Variants in GET1 observed in about 807,000 individuals in gnomAD.
The protein encoded by GET1 is congenital heart disease 5 protein.
GET1 carries 20 observed loss-of-function variants against 22.6 expected under a neutral mutation model. The observed-to-expected ratio is 0.89, with a 90% CI of 0.62 to 1.29. The LOEUF (loss-of-function observed/expected upper bound fraction) is 1.29. Ranked by LOEUF, GET1 falls within the 50% of genes most tolerant of loss-of-function variation. GET1 has a pLI of 0.00. For missense variants in GET1, 209 were observed against 219.9 expected, an observed-to-expected ratio of 0.95 and a Z score of 0.31; for synonymous variants, 92 against 83.8, an observed-to-expected ratio of 1.10 and a Z score of -0.53.
intron 1 of GET1, chr21:39,421,659 A>T (rs1569095853): frequency 6.6e-6 from 1 of 152,224 alleles, no homozygotes; most frequent in African/African-American, 2.4e-5. Flanking sequence ...CTTTGTTTTA[A>T]CATAAAGTAG....
At chr21:39,395,853 C>A (rs1262404644) in intron 4 of GET1, among the ~76,000 whole-genome samples, 2 of 152,222 alleles carry the variant, frequency 1.3e-5, no homozygotes, top group Admixed American at 6.5e-5. Context: ...GCCTGTCTTC[C>A]TGGACAGGGG....
chr21:39,422,759 G>A lies in GET1; in HGVS notation c.*24-5473G>A, dbSNP rs1054923645. On this transcript the variant is annotated intron_variant, in intron 1 of 1. Transcript: ENST00000478273. ...GCCACAGAGTGAACTCTTGTGCACT[G>A]CAACAGATGAACATTTCTAGTTTGA... is the stretch of plus-strand genomic sequence containing the variant. 1.6e-5 allele frequency: 9 copies of A among 579,486 alleles called. No individual in the cohort carries two copies. The Admixed American group carries it at 2.8e-4, about 18-fold the overall frequency. The allele number at this position is 579,486 out of a possible 1,614,324, so 35.9% of individuals were successfully genotyped here.
chr21:39,422,012 A>G (rs1301242998), intron 1 of GET1: 1 of 152,246 alleles, frequency 6.6e-6, no homozygotes, highest in African/African-American at 2.4e-5. Context: ...TATTACCTAA[A>G]AGGCCCAATA....
rs200033889 is a variant in GET1, at chr21:39,396,892, T to C, written c.478T>C (p.Leu160=). The change falls in exon 5 of 5, where the codon TTA becomes CTA. Residue 160 remains leucine (L), a synonymous_variant. Transcript: ENST00000649170. ...AGGVGITCWI[L]VCNKVVAIVL... The stretch of plus-strand genomic sequence containing the variant: ...TGGTGTTGGAATTACCTGTTGGATT[T>C]TAGTCTGTAACAAAGTTGTCGCTAT... 18 of 1,614,024 alleles carry C rather than the reference T, an allele frequency of 1.1e-5. No individual in the cohort carries two copies. The highest frequency in any genetic ancestry group is 1.6e-4 in the Middle Eastern group (1 of 6,062).
chr21:39,381,225 G>A (rs1355519303), intron 1 of GET1, among the ~76,000 whole-genome samples: 1 of 152,118 alleles, frequency 6.6e-6, no homozygotes, highest in Non-Finnish European at 1.5e-5. Flanking sequence ...AGGGCGTGGT[G>A]GGGTGTGGCC....
chr21:39,396,961 C>A lies in GET1; in HGVS notation c.*22C>A, dbSNP rs778312240. On this transcript the variant is annotated 3_prime_UTR_variant, in exon 5 of 5. Coordinates refer to ENST00000649170, the MANE Select transcript of GET1 (RefSeq NM_004627.6). The stretch of plus-strand genomic sequence containing the variant: ...CTGAACAGGAGGATGGATACAGCCG[C>A]GAGGCTAAAAAACGGATTTCCTCTT... 1 of 1,611,350 alleles carries A rather than the reference C, an allele frequency of 6.2e-7. No individual in the cohort carries two copies. The highest frequency in any genetic ancestry group is 1.3e-5 in the African/African-American group (1 of 74,806).
Position 39,390,681 on chromosome 21 carries a change from G to A in GET1, c.103-17G>A, listed in dbSNP as rs181547343. On this transcript the variant is annotated splice_polypyrimidine_tract_variant and intron_variant, in intron 1 of 4. Transcript: ENST00000649170. ...CCCGTGTTGGAAGGTGCTGATCCCC[G>A]TTGTCCGCCCTGCCAGATGTCCAGG... is the stretch of plus-strand genomic sequence containing the variant. 3.7e-5 allele frequency: 60 copies of A among 1,613,654 alleles called. No individual in the cohort carries two copies. The highest frequency in any genetic ancestry group is 2.7e-4 in the Admixed American group (16 of 60,010).
In GET1 at chr21:39,403,876, C is replaced by T. The variant is rs572152543; in HGVS notation, c.350-2038C>T. 1.2e-4 allele frequency among the ~76,000 whole-genome samples: 18 copies of T among 152,332 alleles called. No homozygotes were observed. In the South Asian group the frequency reaches 3.7e-3, roughly 32 times the overall value. On this transcript the variant is annotated intron_variant, in intron 4 of 4. Transcript: ENST00000415847. ...ACCTCAGGTGATCGCCCGCCTCAGC[C>T]TCCCAAAGTGTTGGGATTACAGGCG...
chr21:39,413,820 T>G (rs2040529807), intron 1 of GET1: 2 of 152,280 alleles, frequency 1.3e-5, no homozygotes, highest in Non-Finnish European at 2.9e-5. Flanking sequence ...GGACACATTT[T>G]GATTACCTGA....
chr21:39,404,304 A>T lies in GET1; in HGVS notation c.350-1610A>T, dbSNP rs61195235. On this transcript the variant is annotated intron_variant, in intron 4 of 4. Transcript: ENST00000415847. ...CATGGTACTGTTTTATGGTTTTTAG[A>T]ACAAGGTTAACAGAAAAATGGTCAA... Among the ~76,000 whole-genome samples the T allele has an allele frequency of 1.9e-3, 291 of 152,354 alleles. 1 individual carries two copies. Among genetic ancestry groups the T allele is most frequent in the African/African-American group, 6.8e-3 (283 of 41,582 alleles).
Position 39,390,776 on chromosome 21 carries a change from T to G in GET1, c.181T>G (p.Ser61Ala). The G allele has an allele frequency of 6.2e-7, 1 of 1,614,160 alleles. No individual in the cohort carries two copies. Among genetic ancestry groups the G allele is most frequent in the East Asian group, 2.2e-5 (1 of 44,890 alleles). The change falls in exon 2 of 5, where the codon TCC (serine) becomes GCC (alanine). Residue 61 changes from serine (S) to alanine (A), a missense_variant. By Grantham distance (99) the Ser-to-Ala change is moderately conservative (BLOSUM62 1). Transcript: ENST00000649170. ...GATCCAGGACATGAAGCAGGAGCTC[T>G]CCACAGTCAACATGATGGACGAGTT... ...AEIQDMKQEL[S>A]TVNMMDEFAR...
intron 4 of GET1, among the ~76,000 whole-genome samples, chr21:39,404,023 A>G (rs2038920586): frequency 6.6e-6 from 1 of 152,198 alleles, no homozygotes; most frequent in African/African-American, 2.4e-5. Flanking sequence ...CCCAGGTTCA[A>G]GCGATTCTCC....
chr21:39,391,724 A>G, intron 2 of GET1, 45 bp from the exon 3 acceptor site: 1 of 1,585,934 alleles, frequency 6.3e-7, no homozygotes, highest in Non-Finnish European at 8.7e-7. Context: ...TATTTTGTTA[A>G]TTTTTCAGGA....
intron 1 of GET1, chr21:39,413,976 C>T (rs2040565808): frequency 6.6e-6 from 1 of 152,314 alleles, no homozygotes; most frequent in African/African-American, 2.4e-5. Flanking sequence ...GGAGGACGGT[C>T]CTCCTTGCGG....
intron 1 of GET1, among the ~76,000 whole-genome samples, chr21:39,412,840 G>A (rs986342514): frequency 1.3e-5 from 2 of 152,208 alleles, no homozygotes; most frequent in Non-Finnish European, 1.5e-5. Flanking sequence ...TATTGCCCAA[G>A]TGTAAGTTAG....
intron 4 of GET1, among the ~76,000 whole-genome samples, chr21:39,404,869 C>T (rs2038960133): frequency 6.9e-6 from 1 of 145,080 alleles, no homozygotes; most frequent in Admixed American, 7.0e-5. Flanking sequence ...CTCGCTCTGT[C>T]ACCCAGGCTA....
chr21:39,414,734 C>CTGTGTGTGTGTGTGTG (rs1446676855), intron 1 of GET1, among the ~76,000 whole-genome samples: 27 of 103,250 alleles, frequency 2.6e-4, no homozygotes, highest in African/African-American at 1.1e-3. Context: ...CTCTCTCTCT[C>CTGTGTGTGTGTGTGTG]TCTCTCTCTG....
intron 4 of GET1, among the ~76,000 whole-genome samples, chr21:39,405,233 G>A (rs1012646914): frequency 6.6e-6 from 1 of 151,838 alleles, no homozygotes; most frequent in African/African-American, 2.4e-5. Flanking sequence ...GTCTCACTCC[G>A]ATTGCCCAAG....
At chr21:39,421,583 G>A (rs189653760) in intron 1 of GET1, 2 of 152,156 alleles carry the variant, frequency 1.3e-5, no homozygotes, top group East Asian at 1.9e-4. Context: ...TCTGGAATGA[G>A]AACTATTTTA....
Sources: allele counts gnomAD v4.1 joint callset (sites outside exome capture counted in the v4.1 genomes callset), GRCh38; gene constraint gnomAD v4.1.1; transcripts MANE v1.5; gene names NCBI Gene and HGNC (gene_info 2026-07-23, HGNC 2026-07-21).